SUMF2: variants seen among roughly 807,000 people sequenced by gnomAD.
SUMF2 encodes the protein inactive C-alpha-formylglycine-generating enzyme 2.
SUMF2 carries 45 observed loss-of-function variants against 44.8 expected under a neutral mutation model. The observed-to-expected ratio is 1.00, with a 90% CI of 0.79 to 1.29. The LOEUF (loss-of-function observed/expected upper bound fraction) is 1.29. Ranked by LOEUF, SUMF2 falls within the 50% of genes most tolerant of loss-of-function variation. SUMF2 has a pLI of 0.00. For missense variants in SUMF2, 418 were observed against 389.9 expected (o/e 1.07, Z -0.61); for synonymous variants, 148 against 150.4 (o/e 0.98, Z 0.12).
At chr7:56,072,886 T>C (rs1795271148) in intron 2 of SUMF2, 111 bp from the exon 3 acceptor site, 5 of 715,988 alleles carry the variant, frequency 7.0e-6, no homozygotes, top group Non-Finnish European at 1.2e-5. Context: ...TCATGAACAC[T>C]CTGTGGTGTA....
downstream of SUMF2, chr7:56,082,204 G>A (rs766703359): frequency 6.2e-7 from 1 of 1,613,882 alleles, no homozygotes; most frequent in East Asian, 2.2e-5. Context: ...CCTCATTCAT[G>A]GAGCACTCGA....
At chr7:56,085,463 T>C (rs1041879043), downstream of SUMF2, among the ~76,000 whole-genome samples, 1 of 152,282 alleles carries the variant, frequency 6.6e-6, no homozygotes, top group African/African-American at 2.4e-5. Flanking sequence ...TGCTTAGAAA[T>C]AAGGGGCTCA....
the SUMF2 span, chr7:56,087,757 T>C: frequency 6.2e-7 from 1 of 1,612,558 alleles, no homozygotes; most frequent in Non-Finnish European, 8.5e-7. Flanking sequence ...ATGCATCGCC[T>C]GACCACACTG....
intron 4 of SUMF2, 150 bp from the exon 5 acceptor site, chr7:56,074,436 T>C: frequency 8.8e-7 from 1 of 1,137,052 alleles, no homozygotes; most frequent in Non-Finnish European, 1.2e-6. Flanking sequence ...GTCTCTTTTT[T>C]CTGACTCCGA....
Position 56,080,118 on chromosome 7 carries a change from GGCAGACA to G in SUMF2, c.*507_*513del. ...GGAAACTAGTTTCCACTGTGTAACA[GGCAGACA>G]TGTAACTATTTAAAGCACAGTTCAG... is the stretch of plus-strand genomic sequence containing the variant. On this transcript the variant is annotated 3_prime_UTR_variant, in exon 9 of 9. Coordinates refer to ENST00000434526, the MANE Select transcript of SUMF2 (RefSeq NM_015411.4). The G allele has an allele frequency of 1.9e-6, 1 of 514,880 alleles. No individual in the cohort carries two copies. Among genetic ancestry groups the G allele is most frequent in the Non-Finnish European group, 3.5e-6 (1 of 289,300 alleles). The allele number at this position is 514,880 out of a possible 1,614,324, so 31.9% of individuals were successfully genotyped here. A position where few individuals can be genotyped will look rare whatever the true frequency, so the allele number is the denominator to read the frequency against.
At chr7:56,081,181 A>C (rs1446764109), downstream of SUMF2, 7 of 1,613,240 alleles carry the variant, frequency 4.3e-6, no homozygotes, top group Non-Finnish European at 5.9e-6. The surrounding 1 kb of genome is among the most constrained non-coding windows in gnomAD (Gnocchi z 4.6). Context: ...GGCGTCGATG[A>C]GCCGGCGCAG....
chr7:56,078,398 G>T lies in SUMF2; in HGVS notation c.711G>T (p.Trp237Cys). The change falls in exon 8 of 9, where the codon TGG (tryptophan) becomes TGT (cysteine). Residue 237 changes from tryptophan (W) to cysteine (C), a missense_variant. Transcript: ENST00000434526. ...LYDLLGNVWEWTASPYQAAEQ... is the reference protein window; with the variant it reads ...LYDLLGNVWECTASPYQAAEQ... ...ACCTCCTGGGGAACGTGTGGGAGTGGACAGCATCACCGTACCAGGCTGCTG... is the reference window on the plus strand; with the variant it reads ...ACCTCCTGGGGAACGTGTGGGAGTGTACAGCATCACCGTACCAGGCTGCTG... 6.2e-7 allele frequency: 1 copy of T among 1,611,666 alleles called. No individual in the cohort carries two copies. Among genetic ancestry groups the T allele is most frequent in the Non-Finnish European group, 8.5e-7 (1 of 1,178,590 alleles).
At chr7:56,084,220 C>T (rs1189247030), downstream of SUMF2, 3 of 1,532,938 alleles carry the variant, frequency 2.0e-6, no homozygotes, top group Non-Finnish European at 2.6e-6. Flanking sequence ...TCTGTTCCAT[C>T]TCCATTGTAT....
chr7:56,074,430 C>T (rs1487885296), intron 4 of SUMF2, 156 bp from the exon 5 acceptor site: 2 of 1,112,326 alleles, frequency 1.8e-6, no homozygotes, highest in Non-Finnish European at 2.5e-6. Flanking sequence ...CCTGTAGTCT[C>T]TTTTTTCTGA....
downstream of SUMF2, chr7:56,083,696 A>C: frequency 1.3e-6 from 2 of 1,582,586 alleles, no homozygotes; most frequent in Non-Finnish European, 1.7e-6. Flanking sequence ...AGGTAGTCAA[A>C]GAGCTCCCCT....
downstream of SUMF2, chr7:56,083,862 C>T (rs13223519): frequency 0.029 from 19,374 of 660,472 alleles, 453 homozygotes; most frequent in Admixed American, 0.072. Context: ...GGAGAGGAGC[C>T]GGGGAAGTGA....
chr7:56,076,392 C>G (rs1795551748), intron 5 of SUMF2: 1 of 153,658 alleles, frequency 6.5e-6, no homozygotes, highest in Non-Finnish European at 1.4e-5. Flanking sequence ...GAACTCCTGA[C>G]CTCGTGATCC....
At chr7:56,073,400 C>G in intron 3 of SUMF2, 1 of 416,956 alleles carries the variant, frequency 2.4e-6, no homozygotes, top group African/African-American at 2.0e-5. Context: ...TGCCTATAAT[C>G]TCAGCACTTT....
chr7:56,064,565 C>A (rs1264584245), intron 1 of SUMF2, among the ~76,000 whole-genome samples, 187 bp downstream of exon 1: 1 of 152,124 alleles, frequency 6.6e-6, no homozygotes, highest in Non-Finnish European at 1.5e-5. Flanking sequence ...GTTGTGGAAT[C>A]TTTCAAACCT....
chr7:56,083,071 A>T, downstream of SUMF2: 4 of 503,210 alleles, frequency 7.9e-6, no homozygotes, highest in South Asian at 9.6e-5. Flanking sequence ...GTGCCACTGC[A>T]CTCCAGCCTG....
downstream of SUMF2, chr7:56,082,047 C>G: frequency 6.2e-7 from 1 of 1,612,196 alleles, no homozygotes; most frequent in Non-Finnish European, 8.5e-7. Context: ...AGTGCTCCAC[C>G]TGGACATGCG....
At position 56,078,108 on chromosome 7, in the gene SUMF2, T is replaced by C; in HGVS notation, c.598T>C (p.Phe200Leu). The C allele has an allele frequency of 1.9e-6, 3 of 1,609,522 alleles. No homozygotes were observed. The highest frequency in any genetic ancestry group is 2.5e-6 in the Non-Finnish European group (3 of 1,176,502). The part of the protein sequence containing the change: ...PNRTNLWQGK[F>L]PKGDKAEDGF... ...CCTTCCTTTCTCCCATCAGGGAAAG[T>C]TCCCCAAGGGAGACAAAGCTGAGGA... is the stretch of plus-strand genomic sequence containing the variant. Residue 200 changes from phenylalanine to leucine, a missense_variant, in exon 7 of 9, where the codon TTC (phenylalanine) becomes CTC (leucine). Physicochemically the swap from Phe to Leu is conservative, Grantham distance 22 (BLOSUM62 0). Coordinates refer to ENST00000434526, the MANE Select transcript of SUMF2 (RefSeq NM_015411.4).
In SUMF2 at chr7:56,072,981, A is replaced by G; in HGVS notation, c.225-16A>G. 3 of 1,599,686 alleles carry G rather than the reference A, an allele frequency of 1.9e-6. No homozygotes were observed. The highest frequency in any genetic ancestry group is 2.6e-6 in the Non-Finnish European group (3 of 1,167,026). ...AGAACCTCACCAGCTGAACCAGCTGAACTATGTCTTTATAGGGATTTTGTC... is the reference window on the plus strand; with the variant it reads ...AGAACCTCACCAGCTGAACCAGCTGGACTATGTCTTTATAGGGATTTTGTC... On this transcript the variant is annotated splice_polypyrimidine_tract_variant and intron_variant, in intron 2 of 8. Transcript: ENST00000434526.
chr7:56,080,260 CTTTTT>C lies in SUMF2; in HGVS notation c.*667_*671del, dbSNP rs71015184. 24 of 105,412 alleles carry C rather than the reference CTTTTT, an allele frequency of 2.3e-4. No individual in the cohort carries two copies. The highest frequency in any genetic ancestry group is 6.4e-4 in the South Asian group (2 of 3,144). 6.5% of individuals were successfully genotyped at this position (105,412 alleles called of 1,614,324 possible). ...AGACAAATATCAGAAGCTTCCTATT[CTTTTT>C]TTTTTTTTTTTTTTTTTTGAGACAG... is the stretch of plus-strand genomic sequence containing the variant. On this transcript the variant is annotated 3_prime_UTR_variant, in exon 9 of 9. Transcript: ENST00000434526.
Sources: allele counts gnomAD v4.1 joint callset (sites outside exome capture counted in the v4.1 genomes callset), GRCh38; gene constraint gnomAD v4.1.1; non-coding constraint Gnocchi (gnomAD v3.1); transcripts MANE v1.5; gene names NCBI Gene and HGNC (gene_info 2026-07-23, HGNC 2026-07-21).